Variants in CRYBB1 observed in about 807,000 individuals in gnomAD.
CRYBB1 encodes the protein beta-crystallin B1.
CRYBB1 carries 16 observed loss-of-function variants against 29.5 expected under a neutral mutation model. The ratio of observed to expected loss-of-function variants is 0.54; its 90% CI spans 0.37 to 0.82. The LOEUF is 0.82. CRYBB1 is among the 40% of genes least tolerant of loss of function. CRYBB1 has a pLI of 0.00. For missense variants in CRYBB1, 300 were observed against 350.5 expected, an observed-to-expected ratio of 0.86 and a Z score of 1.15; for synonymous variants, 127 against 136.7, an observed-to-expected ratio of 0.93 and a Z score of 0.49.
In CRYBB1 at chr22:26,599,537, G is replaced by A; in HGVS notation, c.712C>T (p.His238Tyr). 6.2e-7 allele frequency: 1 copy of A among 1,613,968 alleles called. No homozygotes were observed. Among genetic ancestry groups the A allele is most frequent in the Non-Finnish European group, 8.5e-7 (1 of 1,180,046 alleles). The stretch of plus-strand genomic sequence containing the variant: ...AGGACAGGGAAGGACCCCTCGAGGT[G>A]CCACTGCTTGTCACGCAGGCGACGC... ...SLRRLRDKQW[H>Y]LEGSFPVLAT... The change falls in exon 6 of 6, where the codon CAC (histidine) becomes TAC (tyrosine). Residue 238 changes from histidine to tyrosine, a missense_variant. Coordinates refer to ENST00000647684, the MANE Select transcript of CRYBB1 (RefSeq NM_001887.4).
Position 26,612,086 on chromosome 22 carries a change from A to G in CRYBB1, c.285T>C (p.Ile95=). The G allele has an allele frequency of 1.2e-6, 2 of 1,613,128 alleles. No individual in the cohort carries two copies. The highest frequency in any genetic ancestry group is 1.7e-6 in the Non-Finnish European group (2 of 1,179,332). The stretch of plus-strand genomic sequence containing the variant: ...CCAGTACTCACGGTCCCGCGGAGAC[A>G]ATGATGCTGCGCACACGGTCGAAGC... ...DRGFDRVRSI[I]VSAGPWVAFE... Residue 95 remains isoleucine, a synonymous_variant, in exon 3 of 6, where the codon ATT becomes ATC. Transcript: ENST00000647684.
chr22:26,616,104 G>C (rs1357188463), intron 2 of CRYBB1, 36 bp downstream of exon 2: 13 of 1,537,238 alleles, frequency 8.5e-6, no homozygotes, highest in Admixed American at 1.7e-5. Flanking sequence ...AGGAAAGAAG[G>C]CATGGCACCC....
At chr22:26,601,774 A>G (rs1463560962) in intron 5 of CRYBB1, 105 bp downstream of exon 5, 8 of 1,573,078 alleles carry the variant, frequency 5.1e-6, no homozygotes, top group African/African-American at 1.4e-5. Context: ...GGAAGGGGCC[A>G]TGGCCTTCTC....
At position 26,616,141 on chromosome 22, in the gene CRYBB1, C is replaced by G. The variant is rs139107757; in HGVS notation, c.179G>C (p.Arg60Thr). The G allele has an allele frequency of 2.7e-4, 442 of 1,613,882 alleles. No homozygotes were observed. Among genetic ancestry groups the G allele is most frequent in the Admixed American group, 6.7e-4 (40 of 60,006 alleles). Residue 60 changes from arginine to threonine, a missense_variant and splice_region_variant, in exon 2 of 6, where the codon AGG becomes ACG. Arg to Thr is a moderately conservative substitution (Grantham distance 71, BLOSUM62 -1). Coordinates refer to ENST00000647684, the MANE Select transcript of CRYBB1 (RefSeq NM_001887.4). ...KAAELPPGNY[R>T]LVVFELENFQ... ...GCCACTGCACCCCCAGGTCCTTACC[C>G]TGTAGTTCCCAGGAGGCAGTTCCGC...
intron 3 of CRYBB1, among the ~76,000 whole-genome samples, chr22:26,609,122 C>T (rs1033173982): frequency 3.3e-5 from 5 of 152,106 alleles, no homozygotes; most frequent in Non-Finnish European, 5.9e-5. Context: ...AAAAAAGAGA[C>T]GGATGAGGGG....
chr22:26,601,560 C>T (rs1274145508), intron 5 of CRYBB1, among the ~76,000 whole-genome samples: 3 of 151,560 alleles, frequency 2.0e-5, no homozygotes, highest in Non-Finnish European at 2.9e-5. Flanking sequence ...TGCATCCAGC[C>T]TCATCTATCC....
chr22:26,615,463 G>A (rs949989226), intron 2 of CRYBB1, among the ~76,000 whole-genome samples: 4 of 152,016 alleles, frequency 2.6e-5, no homozygotes, highest in African/African-American at 4.8e-5. Context: ...AAGCGGTATG[G>A]TTTGGTTGTT....
At position 26,607,877 on chromosome 22, in the gene CRYBB1, A is replaced by G. The variant is rs759827044; in HGVS notation, c.432+12T>C. ...TGGCTGATTCTCCAGCCCCAGCCGG[A>G]GAGCCACTCACCATTTTGATGGGCC... is the stretch of plus-strand genomic sequence containing the variant. On this transcript the variant is annotated intron_variant, in intron 4 of 5. Coordinates refer to ENST00000647684, the MANE Select transcript of CRYBB1 (RefSeq NM_001887.4). 5.0e-6 allele frequency: 8 copies of G among 1,614,136 alleles called. No individual in the cohort carries two copies. In the East Asian group the frequency reaches 1.8e-4, roughly 36 times the overall value.
chr22:26,611,469 G>GT lies in CRYBB1; in HGVS notation c.299+602dup, dbSNP rs796631077. 6.6e-3 allele frequency among the ~76,000 whole-genome samples: 882 copies of GT among 133,216 alleles called. 1 individual carries two copies. Among genetic ancestry groups the GT allele is most frequent in the African/African-American group, 0.011 (388 of 36,178 alleles). 87.4% of individuals were successfully genotyped at this position (133,216 alleles called of 152,430 possible). ...GCTAGAGTTTGTTTTTTTTTTTTTT[G>GT]TTTTTTTTTTTTTTTTGAGACGGAG... On this transcript the variant is annotated intron_variant, in intron 3 of 5. Transcript: ENST00000647684.
At chr22:26,608,116 G>T (rs1929043709) in intron 3 of CRYBB1, 95 bp from the exon 4 acceptor site, 1 of 1,590,440 alleles carries the variant, frequency 6.3e-7, no homozygotes, top group Non-Finnish European at 8.6e-7. Context: ...TGGCAAGGCA[G>T]CCCTGAGGAC....
chr22:26,599,469 G>T lies in CRYBB1; in HGVS notation c.*21C>A. On this transcript the variant is annotated 3_prime_UTR_variant, in exon 6 of 6. Coordinates refer to ENST00000647684, the MANE Select transcript of CRYBB1 (RefSeq NM_001887.4). Reference sequence around the variant, plus strand: ...GAACATGAAGAAGGGTTGGGGCAAGGTAGCAGAGTGAGGTGTGGACTCACT... The same window carrying T: ...GAACATGAAGAAGGGTTGGGGCAAGTTAGCAGAGTGAGGTGTGGACTCACT... The T allele has an allele frequency of 1.2e-6, 2 of 1,600,704 alleles. No homozygotes were observed. The highest frequency in any genetic ancestry group is 1.7e-6 in the Non-Finnish European group (2 of 1,170,372).
At chr22:26,601,338 G>C (rs1928812182) in intron 5 of CRYBB1, among the ~76,000 whole-genome samples, 3 of 152,130 alleles carry the variant, frequency 2.0e-5, no homozygotes, top group African/African-American at 2.4e-5. Context: ...AGCGTTCAGA[G>C]CAGGAAGGGC....
chr22:26,617,010 T>C (rs1257566217), intron 1 of CRYBB1, among the ~76,000 whole-genome samples: 1 of 152,238 alleles, frequency 6.6e-6, no homozygotes, highest in Non-Finnish European at 1.5e-5. Flanking sequence ...CAATTAACAT[T>C]TGTTCAGAGA....
chr22:26,610,007 C>G (rs1929105278), intron 3 of CRYBB1, among the ~76,000 whole-genome samples: 1 of 152,058 alleles, frequency 6.6e-6, no homozygotes, highest in Admixed American at 6.6e-5. Context: ...AACTGGAGGT[C>G]TAGGCTTCTG....
At chr22:26,604,682 A>G (rs1193863584) in intron 4 of CRYBB1, among the ~76,000 whole-genome samples, 1 of 152,206 alleles carries the variant, frequency 6.6e-6, no homozygotes, top group African/African-American at 2.4e-5. Context: ...GCAAGACAAT[A>G]TCTGTGTGGC....
chr22:26,606,524 G>A (rs928485246), intron 4 of CRYBB1, among the ~76,000 whole-genome samples: 1 of 152,174 alleles, frequency 6.6e-6, no homozygotes, highest in African/African-American at 2.4e-5. Flanking sequence ...AAATGCCCTG[G>A]TTGATCACTC....
chr22:26,611,048 C>A (rs561991586), intron 3 of CRYBB1, among the ~76,000 whole-genome samples: 1 of 152,300 alleles, frequency 6.6e-6, no homozygotes, highest in South Asian at 2.1e-4. Context: ...AACCACTCTG[C>A]CCAAGGATGA....
intron 4 of CRYBB1, 55 bp downstream of exon 4, chr22:26,607,834 C>A: frequency 6.2e-7 from 1 of 1,610,728 alleles, no homozygotes; most frequent in African/African-American, 1.3e-5. Flanking sequence ...CTCAGACTTA[C>A]ACCTGCCCTG....
intron 4 of CRYBB1, among the ~76,000 whole-genome samples, chr22:26,602,306 G>A (rs575170709): frequency 7.9e-5 from 12 of 152,124 alleles, no homozygotes; most frequent in Non-Finnish European, 1.5e-4. Context: ...TTTATTGGCC[G>A]GGTGCCATGG....
Sources: allele counts gnomAD v4.1 joint callset (sites outside exome capture counted in the v4.1 genomes callset), GRCh38; gene constraint gnomAD v4.1.1; transcripts MANE v1.5; gene names NCBI Gene and HGNC (gene_info 2026-07-23, HGNC 2026-07-21).